PCDH11X: variants seen among roughly 807,000 people sequenced by gnomAD.
PCDH11X encodes protocadherin-11 X-linked.
In PCDH11X, 18 loss-of-function variants were observed where a neutral mutation model predicts 53.3. The observed-to-expected ratio is 0.34, with a 90% CI of 0.23 to 0.50. The LOEUF (loss-of-function observed/expected upper bound fraction) is 0.50, where lower values mean the gene tolerates loss of function less well. PCDH11X is among the 20% of genes least tolerant of loss of function. The pLI, the probability that PCDH11X is intolerant of heterozygous loss-of-function variation, is 0.98. For synonymous variants in PCDH11X, 279 were observed against 393.3 expected, an observed-to-expected ratio of 0.71 and a Z score of 3.44; for missense variants, 570 against 1,032.4, an observed-to-expected ratio of 0.55 and a Z score of 6.14.
Position 92,038,587 on chromosome X carries a change from A to G in PCDH11X, c.3033+159314A>G, listed in dbSNP as rs1046725960. 2.7e-5 allele frequency among the ~76,000 whole-genome samples: 3 copies of G among 112,008 alleles called. No individual in the cohort carries two copies. In the Admixed American group the frequency reaches 2.8e-4, roughly 11 times the overall value. ...TGCTGCAGGGGCAGGGCTCTCAAGA[A>G]GAACCTTTGCCAGCACAGTTTGAAA... On this transcript the variant is annotated intron_variant, in intron 6 of 10. Coordinates refer to ENST00000682573, the MANE Select transcript of PCDH11X (RefSeq NM_032968.5).
chrX:91,780,140 T>C (rs899013641), intron 1 of PCDH11X, among the ~76,000 whole-genome samples: 11 of 111,809 alleles, frequency 9.8e-5, no homozygotes, highest in African/African-American at 1.6e-4. Flanking sequence ...GCGATGCCTC[T>C]AGCTGAGAAA....
chrX:92,016,042 T>A (rs914326679), intron 6 of PCDH11X, among the ~76,000 whole-genome samples: 7 of 112,389 alleles, frequency 6.2e-5, no homozygotes, highest in Admixed American at 4.8e-4. Flanking sequence ...CAACATTAAT[T>A]TCCTTTTATA....
chrX:92,423,790 A>G (rs1306509733), intron 9 of PCDH11X, among the ~76,000 whole-genome samples: 1 of 97,294 alleles, frequency 1.0e-5, no homozygotes, highest in Non-Finnish European at 2.3e-5. Flanking sequence ...GTCAAAGATC[A>G]GTTGGCTGTA....
chrX:92,034,944 G>C (rs773973584), intron 6 of PCDH11X, among the ~76,000 whole-genome samples: 28 of 109,566 alleles, frequency 2.6e-4, no homozygotes, highest in African/African-American at 9.3e-4. Flanking sequence ...TTACCATGAG[G>C]CTTGCAAATA....
At chrX:91,829,778 G>GTA (rs1225438813) in intron 4 of PCDH11X, among the ~76,000 whole-genome samples, 3 of 111,164 alleles carry the variant, frequency 2.7e-5, no homozygotes, top group Non-Finnish European at 5.7e-5. Context: ...CTACAGATAT[G>GTA]TATATATATC....
intron 6 of PCDH11X, among the ~76,000 whole-genome samples, chrX:92,200,682 T>C (rs1247051539): frequency 9.0e-6 from 1 of 111,428 alleles, no homozygotes; most frequent in Non-Finnish European, 1.9e-5. Flanking sequence ...CTATTAAATC[T>C]TTTGGCATTT....
chrX:91,958,170 C>A (rs1266652080), intron 6 of PCDH11X, among the ~76,000 whole-genome samples: 1 of 111,958 alleles, frequency 8.9e-6, no homozygotes, highest in African/African-American at 3.2e-5. Context: ...GTGGCCACCC[C>A]TCCACCCAGG....
At chrX:92,116,670 C>T (rs2064644659) in intron 6 of PCDH11X, among the ~76,000 whole-genome samples, 1 of 111,309 alleles carries the variant, frequency 9.0e-6, no homozygotes. Flanking sequence ...CATCGTAACT[C>T]CCCCTCCTAG....
chrX:92,582,714 T>C (rs1319137548), intron 10 of PCDH11X, among the ~76,000 whole-genome samples: 1 of 110,560 alleles, frequency 9.0e-6, no homozygotes, highest in Admixed American at 9.6e-5. Flanking sequence ...CATCCACCAA[T>C]AGCTTGCACC....
intron 10 of PCDH11X, among the ~76,000 whole-genome samples, chrX:92,579,803 A>G (rs948994019): frequency 9.0e-6 from 1 of 111,442 alleles, no homozygotes; most frequent in African/African-American, 3.3e-5. Context: ...ATGTTGTGAT[A>G]ATTTGGAGAG....
chrX:91,783,000 T>C (rs1393481765), intron 1 of PCDH11X, among the ~76,000 whole-genome samples: 1 of 111,631 alleles, frequency 9.0e-6, no homozygotes, highest in Non-Finnish European at 1.9e-5. Flanking sequence ...GGAGCAGAAT[T>C]ACCTTCCAAA....
At chrX:91,810,653 G>A (rs973793776) in intron 3 of PCDH11X, 75 bp downstream of exon 3, 1 of 111,682 alleles carries the variant, frequency 9.0e-6, no homozygotes, top group Non-Finnish European at 1.9e-5. Flanking sequence ...GATAACAAGA[G>A]GCATTATAGC....
intron 7 of PCDH11X, among the ~76,000 whole-genome samples, chrX:92,218,524 A>G (rs1162753924): frequency 9.0e-6 from 1 of 110,622 alleles, no homozygotes; most frequent in Non-Finnish European, 1.9e-5. Context: ...GAATAGACCA[A>G]TAACAGGCTC....
chrX:92,192,610 G>A (rs1311364544), intron 6 of PCDH11X, among the ~76,000 whole-genome samples: 3 of 111,685 alleles, frequency 2.7e-5, no homozygotes, highest in African/African-American at 9.8e-5. Context: ...GCCTCCTAAA[G>A]TGCTGGGATT....
At chrX:92,455,206 A>G in intron 9 of PCDH11X, among the ~76,000 whole-genome samples, 1 of 108,818 alleles carries the variant, frequency 9.2e-6, no homozygotes, top group East Asian at 2.9e-4. Flanking sequence ...TTTAGATTAT[A>G]TAGTTCATTG....
At chrX:91,989,378 T>C (rs1224783026) in intron 6 of PCDH11X, among the ~76,000 whole-genome samples, 4 of 110,378 alleles carry the variant, frequency 3.6e-5, no homozygotes, top group Non-Finnish European at 7.6e-5. Context: ...CTGGCTAACA[T>C]GGTGAAACCC....
chrX:92,547,774 AGGCTGGAGT>A (rs772672838), intron 10 of PCDH11X, among the ~76,000 whole-genome samples: 262 of 108,793 alleles, frequency 2.4e-3, no homozygotes, highest in Non-Finnish European at 3.9e-3. Flanking sequence ...TCTGTTGCCC[AGGCTGGAGT>A]GCAGTGGCTG....
intron 6 of PCDH11X, chrX:92,113,584 T>A: frequency 8.3e-7 from 1 of 1,198,725 alleles, no homozygotes; most frequent in Non-Finnish European, 1.1e-6. Flanking sequence ...ATCTCGAGCA[T>A]GCATCTTCTC....
At chrX:92,497,807 T>C (rs2073885284) in intron 10 of PCDH11X, among the ~76,000 whole-genome samples, 1 of 110,435 alleles carries the variant, frequency 9.1e-6, no homozygotes, top group Admixed American at 9.7e-5. Flanking sequence ...CAATAGAGAA[T>C]GATCTTGTTT....
Sources: gnomAD v4.1 joint callset for allele counts (sites outside exome capture counted in the v4.1 genomes callset) on GRCh38, gnomAD v4.1.1 for gene constraint, MANE v1.5 for transcripts, NCBI Gene and HGNC (gene_info 2026-07-23, HGNC 2026-07-21) for gene names.